The following MYOZ3 variants were observed in gnomAD, a reference collection of about 807,000 sequenced individuals.
MYOZ3 encodes the protein myozenin-3.
In MYOZ3, 19 loss-of-function variants were observed where a neutral mutation model predicts 26.5. That is an observed-to-expected ratio of 0.72 (90% confidence interval 0.50 to 1.05). The LOEUF is 1.05. MYOZ3 is among the 50% of genes least tolerant of loss of function. The pLI, the probability that MYOZ3 is intolerant of heterozygous loss-of-function variation, is 0.00. For synonymous variants in MYOZ3, 135 were observed against 138.8 expected (o/e 0.97, Z 0.19); for missense variants, 322 against 337.1 (o/e 0.96, Z 0.35).
Position 150,671,549 on chromosome 5 carries a change from C to A in MYOZ3, c.217-48C>A, listed in dbSNP as rs1049433077. ...TTGGTGGAGGGAGAACCCTGGTCCC[C>A]TGCCCCGCTGAGCTTCTCTGCGGTT... On this transcript the variant is annotated intron_variant, in intron 3 of 6. Transcript: ENST00000517768. 6.8e-6 allele frequency: 11 copies of A among 1,609,452 alleles called. No individual in the cohort carries two copies. In the African/African-American group the frequency reaches 1.1e-4, roughly 16 times the overall value.
chr5:150,675,422 C>G (rs112094982), intron 6 of MYOZ3, among the ~76,000 whole-genome samples: 13,373 of 151,776 alleles, frequency 0.088, 1,836 homozygotes, highest in African/African-American at 0.29. Flanking sequence ...GCCCAGGCTG[C>G]AGTGCAATGA....
chr5:150,675,624 C>T (rs1219452116), intron 6 of MYOZ3, among the ~76,000 whole-genome samples: 1 of 152,188 alleles, frequency 6.6e-6, no homozygotes, highest in Non-Finnish European at 1.5e-5. Flanking sequence ...CGGCCCTCCT[C>T]GGCCTCCCAA....
At chr5:150,671,342 G>T in intron 3 of MYOZ3, 1 of 543,026 alleles carries the variant, frequency 1.8e-6, no homozygotes, top group Non-Finnish European at 3.3e-6. Context: ...TCATTCTATC[G>T]AGAAGGACAT....
In MYOZ3 at chr5:150,676,730, C is replaced by G; in HGVS notation, c.611C>G (p.Pro204Arg). The change falls in exon 7 of 7, where the codon CCC becomes CGC. Residue 204 changes from proline to arginine, a missense_variant. Coordinates refer to ENST00000517768, the MANE Select transcript of MYOZ3 (RefSeq NM_001122853.3). The stretch of plus-strand genomic sequence containing the variant: ...AGGACCCCGGTGCCATTTGGAGGAC[C>G]CCTCGTGGGGGGCACTTTTCCCAGG... The part of the protein sequence containing the change: ...FNKTPVPFGG[P>R]LVGGTFPRPG... 6.2e-7 allele frequency: 1 copy of G among 1,613,958 alleles called. No individual in the cohort carries two copies. The highest frequency in any genetic ancestry group is 8.5e-7 in the Non-Finnish European group (1 of 1,180,004).
At chr5:150,676,461 T>C (rs1759007619) in intron 6 of MYOZ3, among the ~76,000 whole-genome samples, 3 of 149,636 alleles carry the variant, frequency 2.0e-5, no homozygotes, top group African/African-American at 5.0e-5. Context: ...GGAGAATTGA[T>C]TGAATCTGGG....
At chr5:150,671,431 C>T in intron 3 of MYOZ3, 166 bp from the exon 4 acceptor site, 1 of 682,056 alleles carries the variant, frequency 1.5e-6, no homozygotes, top group Non-Finnish European at 2.5e-6. Flanking sequence ...ATTTCTCGGT[C>T]CCAGGCACTG....
Position 150,671,629 on chromosome 5 carries a change from T to C in MYOZ3, c.249T>C (p.Thr83=), listed in dbSNP as rs1758911407. 3 of 1,613,574 alleles carry C rather than the reference T, an allele frequency of 1.9e-6. 1 individual carries two copies. In the Admixed American group the frequency reaches 5.0e-5, roughly 27 times the overall value. The change falls in exon 4 of 7, where the codon ACT becomes ACC. Residue 83 remains threonine, a synonymous_variant. Transcript: ENST00000517768. Reference sequence around the variant, plus strand: ...CCGGAAGCGCCAGGAGGAAGGTGACTGGAACAGCGGAGTCGGGGACGGTGA... The same window carrying C: ...CCGGAAGCGCCAGGAGGAAGGTGACCGGAACAGCGGAGTCGGGGACGGTGA... ...MLAGSARRKV[T]GTAESGTVAN...
rs1194767324 is a variant in MYOZ3 at position 150,671,793 on chromosome 5, C to T, written c.309C>T (p.Arg103=). 8.1e-6 allele frequency: 13 copies of T among 1,613,100 alleles called. No homozygotes were observed. The highest frequency in any genetic ancestry group is 1.1e-5 in the South Asian group (1 of 91,088). Residue 103 remains arginine (R), a synonymous_variant, in exon 5 of 7, where the codon CGC becomes CGT. Coordinates refer to ENST00000517768, the MANE Select transcript of MYOZ3 (RefSeq NM_001122853.3). ...NANGPEGPNY[R]SELHIFPASP... ...ATGGCCCTGAGGGGCCGAACTACCG[C>T]TCGGAGCTCCACATCTTCCCGGCCT...
At chr5:150,669,569 A>G (rs969017278) in intron 2 of MYOZ3, among the ~76,000 whole-genome samples, 6 of 146,026 alleles carry the variant, frequency 4.1e-5, no homozygotes, top group African/African-American at 1.6e-4. Context: ...GTGATAGATA[A>G]TGGTATTTTT....
At chr5:150,668,703 C>G (rs1247578745) in intron 2 of MYOZ3, among the ~76,000 whole-genome samples, 34 of 152,234 alleles carry the variant, frequency 2.2e-4, no homozygotes, top group Admixed American at 2.2e-3. Flanking sequence ...TCTGTCCCCT[C>G]TGTCCTGCAA....
chr5:150,663,399 G>A (rs1378883147), intron 2 of MYOZ3, among the ~76,000 whole-genome samples: 1 of 152,218 alleles, frequency 6.6e-6, no homozygotes, highest in Admixed American at 6.5e-5. Context: ...TCTCACCGAG[G>A]CCTCTGGGTG....
chr5:150,670,706 T>A, intron 3 of MYOZ3, 68 bp downstream of exon 3: 2 of 1,479,346 alleles, frequency 1.4e-6, no homozygotes, highest in South Asian at 1.3e-5. Flanking sequence ...TAGCCTAAAG[T>A]CAAACGGTAA....
rs960580912 is a variant in MYOZ3 at position 150,678,710 on chromosome 5, A to G, written c.*1835A>G. The G allele has an allele frequency of 5.9e-5, 9 of 152,122 alleles. No homozygotes were observed. The highest frequency in any genetic ancestry group is 2.2e-4 in the African/African-American group (9 of 41,474). 9.4% of individuals were successfully genotyped at this position (152,122 alleles called of 1,614,324 possible). A position where few individuals can be genotyped will look rare whatever the true frequency, so the allele number is the denominator to read the frequency against. ...AGTGTAAGATGAGGACAAGTATAAAACCTCCTTTATGGGTTTGTTGTGAAC... is the reference window on the plus strand; with the variant it reads ...AGTGTAAGATGAGGACAAGTATAAAGCCTCCTTTATGGGTTTGTTGTGAAC... On this transcript the variant is annotated 3_prime_UTR_variant, in exon 7 of 7. Coordinates refer to ENST00000517768, the MANE Select transcript of MYOZ3 (RefSeq NM_001122853.3).
intron 2 of MYOZ3, chr5:150,668,948 C>G (rs947373756): frequency 6.6e-6 from 1 of 152,224 alleles, no homozygotes; most frequent in East Asian, 1.9e-4. Flanking sequence ...AACATTTCAC[C>G]TCCAGGTCAG....
At chr5:150,668,786 G>A (rs1758846832) in intron 2 of MYOZ3, among the ~76,000 whole-genome samples, 1 of 152,154 alleles carries the variant, frequency 6.6e-6, no homozygotes, top group Admixed American at 6.5e-5. Context: ...ATAGGGATGG[G>A]TCTCAAACTA....
chr5:150,676,142 C>T (rs577755554), intron 6 of MYOZ3, among the ~76,000 whole-genome samples: 1 of 152,222 alleles, frequency 6.6e-6, no homozygotes, highest in South Asian at 2.1e-4. Context: ...TAGAGTCTTG[C>T]CTAGGACAAG....
At position 150,678,429 on chromosome 5, in the gene MYOZ3, G is replaced by A. The variant is rs902670034; in HGVS notation, c.*1554G>A. Reference sequence around the variant, plus strand: ...CCACTTTACAGATGTGGATATTTAGGCCAAAAGGAGGAAGTGACTTGTCCA... The same window carrying A: ...CCACTTTACAGATGTGGATATTTAGACCAAAAGGAGGAAGTGACTTGTCCA... On this transcript the variant is annotated 3_prime_UTR_variant, in exon 7 of 7. Coordinates refer to ENST00000517768, the MANE Select transcript of MYOZ3 (RefSeq NM_001122853.3). 7.9e-5 allele frequency: 12 copies of A among 152,296 alleles called. No homozygotes were observed. Among genetic ancestry groups the A allele is most frequent in the African/African-American group, 2.7e-4 (11 of 41,416 alleles). 9.4% of individuals were successfully genotyped at this position (152,296 alleles called of 1,614,324 possible).
chr5:150,675,495 C>T (rs369048949), intron 6 of MYOZ3, among the ~76,000 whole-genome samples: 2 of 152,076 alleles, frequency 1.3e-5, no homozygotes, highest in East Asian at 1.9e-4. Context: ...GCCTCAGCCT[C>T]CCAGGTAGCT....
Position 150,674,626 on chromosome 5 carries a change from C to G in MYOZ3, c.588-2081C>G, listed in dbSNP as rs138815224. ...AGGCCCTGGCTCAAGGTTTGTCTTT[C>G]CACCCCAGAGGCAAGCACTCTCCTC... On this transcript the variant is annotated intron_variant, in intron 6 of 6. Transcript: ENST00000517768. Among the ~76,000 whole-genome samples, 418 of 152,338 alleles carry G rather than the reference C, an allele frequency of 2.7e-3. 9 individuals carry two copies. Among genetic ancestry groups the G allele is most frequent in the Non-Finnish European group, 6.6e-4 (45 of 68,034 alleles).
Sources: allele counts gnomAD v4.1 joint callset (sites outside exome capture counted in the v4.1 genomes callset), GRCh38; gene constraint gnomAD v4.1.1; transcripts MANE v1.5; gene names NCBI Gene and HGNC (gene_info 2026-07-23, HGNC 2026-07-21).